Variants in AGBL4 observed in about 807,000 individuals in gnomAD.
The protein encoded by AGBL4 is cytosolic carboxypeptidase 6.
In AGBL4, 58 loss-of-function variants were observed where a neutral mutation model predicts 66.4. The observed-to-expected ratio is 0.87, with a 90% CI of 0.71 to 1.09. The LOEUF is 1.09. Ranked by LOEUF, AGBL4 falls within the 50% of genes least tolerant of loss-of-function variation. AGBL4 has a pLI of 0.00. For missense variants in AGBL4, 579 were observed against 631.0 expected, an observed-to-expected ratio of 0.92 and a Z score of 0.88; for synonymous variants, 234 against 222.9, an observed-to-expected ratio of 1.05 and a Z score of -0.44.
chr1:48,915,623 A>G (rs1473382358), intron 5 of AGBL4, among the ~76,000 whole-genome samples: 1 of 152,166 alleles, frequency 6.6e-6, no homozygotes, highest in Non-Finnish European at 1.5e-5. Context: ...CAGCGGAATC[A>G]GCATCACCTG....
chr1:48,907,511 G>A (rs1163347710), intron 5 of AGBL4, among the ~76,000 whole-genome samples: 1 of 152,060 alleles, frequency 6.6e-6, no homozygotes, highest in Non-Finnish European at 1.5e-5. Context: ...GAGCAAGCCA[G>A]GGGGGAAAGG....
At chr1:48,971,770 C>T (rs972181112) in intron 5 of AGBL4, among the ~76,000 whole-genome samples, 3 of 152,158 alleles carry the variant, frequency 2.0e-5, no homozygotes, top group African/African-American at 7.2e-5. Flanking sequence ...GAATCAAATG[C>T]TTAAGTTCAG....
chr1:49,452,187 A>T (rs1223375805), intron 3 of AGBL4, among the ~76,000 whole-genome samples: 1 of 151,872 alleles, frequency 6.6e-6, no homozygotes, highest in African/African-American at 2.4e-5. Flanking sequence ...AATCTGTTTT[A>T]TTATGCTTCT....
chr1:48,934,466 A>G (rs567389106), intron 5 of AGBL4, among the ~76,000 whole-genome samples: 2 of 152,308 alleles, frequency 1.3e-5, no homozygotes, highest in African/African-American at 4.8e-5. Flanking sequence ...AGACATAGAA[A>G]GGATACTTGG....
chr1:48,920,145 G>A (rs1456087844), intron 5 of AGBL4, among the ~76,000 whole-genome samples: 5 of 152,152 alleles, frequency 3.3e-5, no homozygotes, highest in African/African-American at 7.2e-5. Flanking sequence ...CATAAAGATT[G>A]CCTGTAGACT....
At chr1:49,176,840 T>C (rs1646841484) in intron 4 of AGBL4, among the ~76,000 whole-genome samples, 1 of 152,100 alleles carries the variant, frequency 6.6e-6, no homozygotes, top group Non-Finnish European at 1.5e-5. Context: ...CATACACGCA[T>C]AACATGTGCA....
At chr1:48,691,208 A>T (rs1446668646) in intron 6 of AGBL4, among the ~76,000 whole-genome samples, 1 of 149,816 alleles carries the variant, frequency 6.7e-6, no homozygotes, top group African/African-American at 2.4e-5. Context: ...TATATTACAT[A>T]TATAGAAAAT....
At chr1:49,039,644 A>T (rs1055744902) in intron 5 of AGBL4, among the ~76,000 whole-genome samples, 17 of 152,118 alleles carry the variant, frequency 1.1e-4, no homozygotes, top group Non-Finnish European at 4.4e-5. Context: ...ATCATGTGCA[A>T]ATAAATGAAC....
intron 4 of AGBL4, among the ~76,000 whole-genome samples, chr1:49,126,590 T>C (rs894537642): frequency 6.6e-6 from 1 of 152,138 alleles, no homozygotes; most frequent in Non-Finnish European, 1.5e-5. Context: ...TTTAAGCAAC[T>C]TTACTAACTT....
chr1:48,868,646 A>G, intron 5 of AGBL4, among the ~76,000 whole-genome samples: 1 of 152,284 alleles, frequency 6.6e-6, no homozygotes, highest in South Asian at 2.1e-4. Flanking sequence ...TGTTATTATT[A>G]CAGAACATCT....
intron 4 of AGBL4, among the ~76,000 whole-genome samples, chr1:49,233,491 G>A (rs755641358): frequency 1.1e-4 from 17 of 152,158 alleles, no homozygotes; most frequent in Non-Finnish European, 2.1e-4. Flanking sequence ...GGCAGAACTG[G>A]TACTCAGATT....
chr1:49,747,422 T>C lies in AGBL4; in HGVS notation c.158-49985A>G, dbSNP rs1651071223. On this transcript the variant is annotated intron_variant, in intron 2 of 13. Transcript: ENST00000371839. ...TAATGTTTTATGACTGTGGGATAAA[T>C]ATAACATAAGAAATTCTGATGAACA... Among the ~76,000 whole-genome samples the C allele has an allele frequency of 2.0e-5, 3 of 152,156 alleles. 1 individual carries two copies. The South Asian group carries it at 6.2e-4, about 31-fold the overall frequency.
chr1:49,711,127 A>G (rs1647632635), intron 2 of AGBL4, among the ~76,000 whole-genome samples: 1 of 152,110 alleles, frequency 6.6e-6, no homozygotes, highest in South Asian at 2.1e-4. Flanking sequence ...AAGCAACTAG[A>G]AGTTTCATAC....
chr1:48,814,449 T>C (rs1222543885), intron 6 of AGBL4, among the ~76,000 whole-genome samples: 3 of 152,176 alleles, frequency 2.0e-5, no homozygotes, highest in Admixed American at 2.0e-4. Flanking sequence ...CTTATTTCTT[T>C]GTGCTGGAAA....
At chr1:49,429,290 G>A (rs1050985083) in intron 3 of AGBL4, among the ~76,000 whole-genome samples, 2 of 152,116 alleles carry the variant, frequency 1.3e-5, no homozygotes, top group African/African-American at 2.4e-5. Context: ...AAGAATGAAA[G>A]GTCTGTCTGG....
intron 6 of AGBL4, among the ~76,000 whole-genome samples, chr1:48,814,975 A>C (rs976744071): frequency 6.6e-6 from 1 of 152,164 alleles, no homozygotes; most frequent in Non-Finnish European, 1.5e-5. Flanking sequence ...AGGAAACTCC[A>C]TACTGTTCTC....
chr1:48,878,584 A>T (rs924583459), intron 5 of AGBL4, among the ~76,000 whole-genome samples: 2 of 151,996 alleles, frequency 1.3e-5, no homozygotes, highest in Admixed American at 6.6e-5. Context: ...ACCTTGTATT[A>T]CCCTTGGCCA....
chr1:49,360,358 T>TAAA (rs1644111178), intron 3 of AGBL4, among the ~76,000 whole-genome samples: 5 of 152,200 alleles, frequency 3.3e-5, no homozygotes, highest in Admixed American at 3.3e-4. Flanking sequence ...CTAATAAACA[T>TAAA]AAAACATATA....
chr1:48,737,669 T>C (rs1649286807), intron 6 of AGBL4, among the ~76,000 whole-genome samples: 2 of 152,214 alleles, frequency 1.3e-5, no homozygotes, highest in Admixed American at 6.5e-5. Flanking sequence ...AGACCCAGAA[T>C]GTTCCAGCAA....
Sources: gnomAD v4.1 joint callset for allele counts (sites outside exome capture counted in the v4.1 genomes callset) on GRCh38, gnomAD v4.1.1 for gene constraint, MANE v1.5 for transcripts, NCBI Gene and HGNC (gene_info 2026-07-23, HGNC 2026-07-21) for gene names.